Variants in PTPRS observed in about 807,000 individuals in gnomAD.
The protein encoded by PTPRS is protein tyrosine phosphatase receptor type S.
PTPRS carries 63 observed loss-of-function variants against 215.3 expected under a neutral mutation model. The observed-to-expected ratio is 0.29, with a 90% confidence interval of 0.24 to 0.36. PTPRS has a LOEUF of 0.36. Among genes scored for constraint, PTPRS ranks in the 10% least tolerant of loss-of-function variants. The pLI, the probability that PTPRS is intolerant of heterozygous loss-of-function variation, is 1.00. For missense variants in PTPRS, 2,258 were observed against 2,825.8 expected (o/e 0.80, Z 4.56); for synonymous variants, 1,404 against 1,191.4 (o/e 1.18, Z -3.68).
intron 2 of PTPRS, among the ~76,000 whole-genome samples, chr19:5,279,859 A>AT (rs1004053910): frequency 6.6e-6 from 1 of 151,660 alleles, no homozygotes; most frequent in African/African-American, 2.4e-5. Context: ...ATTTTTTTGC[A>AT]TTTTTAGTAG....
At chr19:5,303,064 C>A (rs542218667) in intron 1 of PTPRS, among the ~76,000 whole-genome samples, 1 of 151,946 alleles carries the variant, frequency 6.6e-6, no homozygotes, top group South Asian at 2.1e-4. Flanking sequence ...AGAGAGACCC[C>A]GTCTCAAAAA....
chr19:5,257,083 G>A lies in PTPRS; in HGVS notation c.706+934C>T, dbSNP rs72983110. Among the ~76,000 whole-genome samples, 2,161 of 151,154 alleles carry A rather than the reference G, an allele frequency of 0.014. 36 individuals are homozygous for A. The highest frequency in any genetic ancestry group is 0.023 in the Non-Finnish European group (1,585 of 67,788). Reference sequence around the variant, plus strand: ...TCTGATCAGAAACAGCGACTAGGAGGTGAAAGGGAGGAGGAGGAGGAAGAC... The same window carrying A: ...TCTGATCAGAAACAGCGACTAGGAGATGAAAGGGAGGAGGAGGAGGAAGAC... On this transcript the variant is annotated intron_variant, in intron 8 of 37. Transcript: ENST00000262963. The surrounding 1 kb of genome is among the most constrained non-coding windows in gnomAD (Gnocchi z 4.4).
chr19:5,218,987 TA>T, intron 23 of PTPRS, 189 bp from the exon 24 acceptor site: 1 of 671,654 alleles, frequency 1.5e-6, no homozygotes, highest in Non-Finnish European at 2.5e-6. Flanking sequence ...CAAGGAGGCT[TA>T]TCTCAGCCCT....
At chr19:5,228,351 A>AAAG (rs1240800928) in intron 16 of PTPRS, among the ~76,000 whole-genome samples, 1 of 116,536 alleles carries the variant, frequency 8.6e-6, no homozygotes, top group Non-Finnish European at 1.8e-5. Flanking sequence ...TCTGGAGAAA[A>AAAG]AAAAAAAAAA....
intron 4 of PTPRS, chr19:5,273,165 A>C (rs368252864): frequency 3.1e-5 from 15 of 489,332 alleles, no homozygotes; most frequent in African/African-American, 2.7e-4. Context: ...AACCCATCTG[A>C]GTTGGATCAG....
rs762250407 is a variant in PTPRS at position 5,214,345 on chromosome 19, CCAGCCT to C, written c.4614+10_4614+15del. 2.9e-5 allele frequency: 47 copies of C among 1,613,954 alleles called. No individual in the cohort carries two copies. The African/African-American group carries it at 5.3e-4, about 18-fold the overall frequency. The stretch of plus-strand genomic sequence containing the variant: ...ATTCCTCCACCCTCAGCCCCCAGCC[CCAGCCT>C]GGGCCCCACCTTGTGCAGAGAGAAT... On this transcript the variant is annotated intron_variant, in intron 30 of 37. Transcript: ENST00000262963.
intron 1 of PTPRS, among the ~76,000 whole-genome samples, chr19:5,305,767 T>TATATATATATATATATA (rs1450959995): frequency 2.2e-5 from 2 of 89,748 alleles, no homozygotes; most frequent in African/African-American, 5.9e-5. Context: ...ATATATATAT[T>TATATATATATATATATA]TTTTTTTTAA....
At chr19:5,241,326 T>C (rs1056977829) in intron 11 of PTPRS, among the ~76,000 whole-genome samples, 28 of 151,778 alleles carry the variant, frequency 1.8e-4, no homozygotes, top group Non-Finnish European at 3.1e-4. Context: ...CTGTGTCACC[T>C]AGGCTGGAGT....
intron 8 of PTPRS, among the ~76,000 whole-genome samples, chr19:5,256,892 C>T (rs1391049565): frequency 6.6e-6 from 1 of 151,910 alleles, no homozygotes; most frequent in African/African-American, 2.4e-5. Flanking sequence ...AAGGGATGAG[C>T]CACACGGCCT....
intron 4 of PTPRS, among the ~76,000 whole-genome samples, chr19:5,267,306 T>C (rs1279739252): frequency 6.6e-6 from 1 of 152,188 alleles, no homozygotes; most frequent in East Asian, 1.9e-4. Context: ...GCTTCTGGGC[T>C]GAGGTGATGA....
At chr19:5,239,321 G>A (rs2145851110) in intron 12 of PTPRS, among the ~76,000 whole-genome samples, 1 of 151,852 alleles carries the variant, frequency 6.6e-6, no homozygotes, top group Admixed American at 6.6e-5. Context: ...GACGGAGAGA[G>A]ACAGAGACAG....
chr19:5,269,541 G>C (rs1319428127), intron 4 of PTPRS, among the ~76,000 whole-genome samples: 3 of 152,036 alleles, frequency 2.0e-5, no homozygotes, highest in East Asian at 3.9e-4. Flanking sequence ...GTGGGATCGG[G>C]TCAGGGTATC....
intron 1 of PTPRS, among the ~76,000 whole-genome samples, chr19:5,306,000 G>C (rs1218688313): frequency 7.7e-6 from 1 of 130,364 alleles, no homozygotes; most frequent in African/African-American, 3.0e-5. Context: ...GGAACAGAGA[G>C]AACCAGCAGC....
Position 5,210,861 on chromosome 19 carries a change from C to G in PTPRS, c.5235-56G>C. On this transcript the variant is annotated intron_variant, in intron 33 of 37. Transcript: ENST00000262963. This position sits in a 1 kb window ranked among gnomAD's most constrained non-coding sequence, Gnocchi z 4.5. The stretch of plus-strand genomic sequence containing the variant: ...CGGCAGGGAGACCCGGCGTGGTACT[C>G]ACCTGATGCTGCCCGGGAGGGTCAG... 6.3e-7 allele frequency: 1 copy of G among 1,581,176 alleles called. No individual in the cohort carries two copies. Among genetic ancestry groups the G allele is most frequent in the Admixed American group, 1.7e-5 (1 of 58,342 alleles).
In PTPRS at chr19:5,246,017, G is replaced by A; in HGVS notation, c.747C>T (p.Ile249=). ...EVRRVAPRFS[I]LPMSHEIMPG... is the part of the protein sequence containing the mutation. ...GCATGATCTCGTGGCTCATGGGCAG[G>A]ATGGAGAAGCGCGGGGCCACGCGGC... Residue 249 remains isoleucine (I), a synonymous_variant, in exon 10 of 38, where the codon ATC becomes ATT. Coordinates refer to ENST00000262963, the MANE Select transcript of PTPRS (RefSeq NM_002850.4). 6.5e-7 allele frequency: 1 copy of A among 1,546,332 alleles called. No homozygotes were observed. The highest frequency in any genetic ancestry group is 1.4e-5 in the African/African-American group (1 of 73,602).
In PTPRS at chr19:5,207,982, C is replaced by T. The variant is rs2144919091; in HGVS notation, c.5718G>A (p.Val1906=). The change falls in exon 37 of 38, where the codon GTG becomes GTA. Residue 1906 remains valine (V), a synonymous_variant. Coordinates refer to ENST00000262963, the MANE Select transcript of PTPRS (RefSeq NM_002850.4). ...VLERMRYEGV[V]DIFQTVKMLR... ...GCATCTTCACCGTCTGAAAGATGTCCACCACGCCTTCATACCGCATCCGCT... is the reference window on the plus strand; with the variant it reads ...GCATCTTCACCGTCTGAAAGATGTCTACCACGCCTTCATACCGCATCCGCT... 6.2e-7 allele frequency: 1 copy of T among 1,614,116 alleles called. No individual in the cohort carries two copies. The highest frequency in any genetic ancestry group is 8.5e-7 in the Non-Finnish European group (1 of 1,180,028).
chr19:5,310,964 C>T (rs920945003), intron 1 of PTPRS, among the ~76,000 whole-genome samples: 2 of 152,128 alleles, frequency 1.3e-5, no homozygotes, highest in African/African-American at 4.8e-5. Context: ...ACTGCAACCT[C>T]TGCCTCCCTG....
chr19:5,211,033 G>A lies in PTPRS; in HGVS notation c.5235-228C>T, dbSNP rs528591573. Among the ~76,000 whole-genome samples, 9 of 152,270 alleles carry A rather than the reference G, an allele frequency of 5.9e-5. No individual in the cohort carries two copies. In the South Asian group the frequency reaches 6.2e-4, roughly 11 times the overall value. ...AATTCAAATCCCTTGACAAAGCTGC[G>A]GGACTATCCACTAACCTCTCCTGAT... On this transcript the variant is annotated intron_variant, in intron 33 of 37. Coordinates refer to ENST00000262963, the MANE Select transcript of PTPRS (RefSeq NM_002850.4).
chr19:5,212,867 G>A (rs983422938), intron 30 of PTPRS, among the ~76,000 whole-genome samples: 3 of 150,772 alleles, frequency 2.0e-5, no homozygotes, highest in Non-Finnish European at 3.0e-5. Context: ...CCATGTCTGC[G>A]CCTCCCAGTC....
Sources: allele counts gnomAD v4.1 joint callset (sites outside exome capture counted in the v4.1 genomes callset), GRCh38; gene constraint gnomAD v4.1.1; non-coding constraint Gnocchi (gnomAD v3.1); transcripts MANE v1.5; gene names NCBI Gene and HGNC (gene_info 2026-07-23, HGNC 2026-07-21).